Variants in PHACTR1 observed in about 807,000 individuals in gnomAD.
PHACTR1 encodes the protein RPEL repeat containing 1.
A neutral mutation model predicts 69.2 loss-of-function variants in PHACTR1; 16 were observed. That is an observed-to-expected ratio of 0.23 (90% CI 0.16 to 0.35). The LOEUF is 0.35. Among genes scored for constraint, PHACTR1 ranks in the 10% least tolerant of loss-of-function variants. PHACTR1 has a pLI of 1.00. For synonymous variants in PHACTR1, 312 were observed against 284.5 expected (o/e 1.10, Z -0.97); for missense variants, 510 against 734.7 (o/e 0.69, Z 3.54).
chr6:12,976,001 G>A (rs1272119269), intron 4 of PHACTR1, among the ~76,000 whole-genome samples: 1 of 152,200 alleles, frequency 6.6e-6, no homozygotes, highest in Non-Finnish European at 1.5e-5. Flanking sequence ...TATGGGGCGG[G>A]AGGAATGGGA....
intron 4 of PHACTR1, among the ~76,000 whole-genome samples, chr6:12,753,740 A>G (rs953396965): frequency 2.6e-5 from 4 of 152,074 alleles, no homozygotes. Context: ...GGCCCAGAGG[A>G]CAATGGCAGT....
rs568729120 is a variant in PHACTR1, at chr6:12,736,712, AAAT to A, written c.104-12925_104-12923del. ...TTTTACAATCACTTTTTAACTTAAA[AAAT>A]AATAATTTAAAAATACAAAAATTTG... On this transcript the variant is annotated intron_variant, in intron 3 of 14. Transcript: ENST00000332995. Among the ~76,000 whole-genome samples, 66 of 152,338 alleles carry A rather than the reference AAAT, an allele frequency of 4.3e-4. No individual in the cohort carries two copies. The South Asian group carries it at 0.013, about 30-fold the overall frequency.
rs535678179 is a variant in PHACTR1 at position 13,137,949 on chromosome 6, T to C, written c.416-22255T>C. ...GCATTAAAGATAGAGCAGTTTCCCC[T>C]GAAGGCAGCATGGAACAGCAACCAT... On this transcript the variant is annotated intron_variant, in intron 5 of 14. Coordinates refer to ENST00000332995, the MANE Select transcript of PHACTR1 (RefSeq NM_030948.6). Among the ~76,000 whole-genome samples, 4 of 152,338 alleles carry C rather than the reference T, an allele frequency of 2.6e-5. No individual in the cohort carries two copies. In the East Asian group the frequency reaches 7.7e-4, roughly 29 times the overall value.
intron 8 of PHACTR1, among the ~76,000 whole-genome samples, chr6:13,221,819 C>T (rs573186437): frequency 3.5e-4 from 53 of 152,252 alleles, no homozygotes; most frequent in African/African-American, 1.3e-3. Flanking sequence ...AGGTGGATCA[C>T]AAGGTTGGGA....
rs542512949 is a variant in PHACTR1 at position 12,842,826 on chromosome 6, T to C, written c.250+93036T>C. Among the ~76,000 whole-genome samples, 7 of 152,262 alleles carry C rather than the reference T, an allele frequency of 4.6e-5. No individual in the cohort carries two copies. In the East Asian group the frequency reaches 1.4e-3, roughly 29 times the overall value. ...TTCCAAAGTGCTGAGATTACAGGTGTGAGCTACCACACCCGGCCTAAAGGT... is the reference window on the plus strand; with the variant it reads ...TTCCAAAGTGCTGAGATTACAGGTGCGAGCTACCACACCCGGCCTAAAGGT... On this transcript the variant is annotated intron_variant, in intron 4 of 14. Coordinates refer to ENST00000332995, the MANE Select transcript of PHACTR1 (RefSeq NM_030948.6).
intron 12 of PHACTR1, among the ~76,000 whole-genome samples, chr6:13,278,780 A>T (rs1779496902): frequency 6.6e-6 from 1 of 152,072 alleles, no homozygotes; most frequent in Admixed American, 6.5e-5. Context: ...CAACATGGTA[A>T]AATGCTGTCT....
chr6:13,068,760 C>G (rs1809051029), intron 5 of PHACTR1, among the ~76,000 whole-genome samples: 1 of 152,128 alleles, frequency 6.6e-6, no homozygotes, highest in Admixed American at 6.5e-5. Flanking sequence ...TCCTGTTTCT[C>G]CTTTGCTATG....
chr6:12,920,616 T>G (rs747459535), intron 4 of PHACTR1, among the ~76,000 whole-genome samples: 3 of 152,382 alleles, frequency 2.0e-5, no homozygotes, highest in Admixed American at 6.5e-5. Flanking sequence ...GAATGCAATA[T>G]TGAAATAAAT....
intron 10 of PHACTR1, among the ~76,000 whole-genome samples, chr6:13,255,043 G>A (rs182580605): frequency 3.9e-5 from 6 of 152,268 alleles, no homozygotes; most frequent in Admixed American, 3.9e-4. Flanking sequence ...AAGAAAAGAG[G>A]TTTAATTGGC....
At chr6:13,137,413 G>A (rs1167855285) in intron 5 of PHACTR1, among the ~76,000 whole-genome samples, 2 of 152,202 alleles carry the variant, frequency 1.3e-5, no homozygotes, top group South Asian at 2.1e-4. Flanking sequence ...AAGAAACTCG[G>A]TATGTGGTGA....
chr6:13,175,727 T>TAGC lies in PHACTR1; in HGVS notation c.497-6790_497-6788dup, dbSNP rs1395481190. On this transcript the variant is annotated intron_variant, in intron 6 of 14. Coordinates refer to ENST00000332995, the MANE Select transcript of PHACTR1 (RefSeq NM_030948.6). ...GTTAAGGATTTGAGGGGCCCTCTAT[T>TAGC]AGCACTCTTCTTCTGTCTCTGAATT... Among the ~76,000 whole-genome samples the TAGC allele has an allele frequency of 4.6e-5, 7 of 152,320 alleles. No homozygotes were observed. The East Asian group carries it at 1.4e-3, about 29-fold the overall frequency.
At chr6:13,146,351 G>A (rs186572899) in intron 5 of PHACTR1, among the ~76,000 whole-genome samples, 426 of 152,294 alleles carry the variant, frequency 2.8e-3, no homozygotes, top group Middle Eastern at 0.027. Context: ...GCATAGTTAT[G>A]ATTTTTTAAA....
chr6:13,233,428 T>C (rs1440021003), intron 10 of PHACTR1, among the ~76,000 whole-genome samples: 1 of 152,052 alleles, frequency 6.6e-6, no homozygotes, highest in Non-Finnish European at 1.5e-5. Flanking sequence ...TTTGCTGCTA[T>C]GAAGAAATAC....
At chr6:13,124,786 C>T (rs1819269198) in intron 5 of PHACTR1, among the ~76,000 whole-genome samples, 1 of 152,194 alleles carries the variant, frequency 6.6e-6, no homozygotes, top group African/African-American at 2.4e-5. Flanking sequence ...TCACTGTGTG[C>T]TCACGTGATG....
intron 13 of PHACTR1, among the ~76,000 whole-genome samples, chr6:13,284,556 A>G (rs1418273135): frequency 1.7e-5 from 2 of 119,548 alleles, no homozygotes; most frequent in Non-Finnish European, 3.2e-5. Context: ...ATATATATAT[A>G]TATATATATA....
At chr6:13,049,775 G>A (rs1805637796) in intron 4 of PHACTR1, among the ~76,000 whole-genome samples, 1 of 152,194 alleles carries the variant, frequency 6.6e-6, no homozygotes, top group South Asian at 2.1e-4. Context: ...GAAAAAACTT[G>A]AATAAGTGAT....
intron 5 of PHACTR1, among the ~76,000 whole-genome samples, chr6:13,079,821 A>G (rs1215777117): frequency 6.6e-6 from 1 of 152,186 alleles, no homozygotes; most frequent in Non-Finnish European, 1.5e-5. Context: ...GGCTATAACT[A>G]GCCATATGAC....
Position 12,945,404 on chromosome 6 carries a change from T to C in PHACTR1, c.251-107961T>C, listed in dbSNP as rs74401944. Among the ~76,000 whole-genome samples, 1,056 of 152,336 alleles carry C rather than the reference T, an allele frequency of 6.9e-3. 18 individuals are homozygous for C. The highest frequency in any genetic ancestry group is 0.024 in the African/African-American group (998 of 41,570). The stretch of plus-strand genomic sequence containing the variant: ...TTCATGAAAGCAGGAATTATGTTCA[T>C]CTTGCTGTCGAGAATATTTTCTCAG... On this transcript the variant is annotated intron_variant, in intron 4 of 14. Coordinates refer to ENST00000332995, the MANE Select transcript of PHACTR1 (RefSeq NM_030948.6).
chr6:13,176,334 C>CTGCT (rs1469551363), intron 6 of PHACTR1, among the ~76,000 whole-genome samples: 2 of 152,194 alleles, frequency 1.3e-5, no homozygotes. Context: ...TCCTCCATTC[C>CTGCT]TGCTTTTGTG....
Sources: allele counts gnomAD v4.1 joint callset (sites outside exome capture counted in the v4.1 genomes callset), GRCh38; gene constraint gnomAD v4.1.1; transcripts MANE v1.5; gene names NCBI Gene and HGNC (gene_info 2026-07-23, HGNC 2026-07-21).